Variants in UBR4 observed in about 807,000 individuals in gnomAD.
UBR4 encodes the protein E3 ubiquitin-protein ligase UBR4.
UBR4 carries 124 observed loss-of-function variants against 575.6 expected under a neutral mutation model. That is an observed-to-expected ratio of 0.22 (90% CI 0.19 to 0.25). UBR4 has a LOEUF of 0.25. Among genes scored for constraint, UBR4 ranks in the 10% least tolerant of loss-of-function variants. UBR4 has a pLI of 1.00. For synonymous variants in UBR4, 2,455 were observed against 2,473.7 expected, an observed-to-expected ratio of 0.99 and a Z score of 0.22; for missense variants, 4,818 against 6,478.8, an observed-to-expected ratio of 0.74 and a Z score of 8.80.
chr1:19,206,070 T>G (rs2092991666), intron 1 of UBR4, among the ~76,000 whole-genome samples: 1 of 152,262 alleles, frequency 6.6e-6, no homozygotes, highest in Admixed American at 6.5e-5. Flanking sequence ...ATGGACGGTA[T>G]GTGCTCCATT....
chr1:19,156,752 G>C lies in UBR4; in HGVS notation c.5919+15C>G. ...CCACAGCTCAAGGCAATCAAACCTA[G>C]ATCCGGATTTTTACCTTTAGCCCAC... is the stretch of plus-strand genomic sequence containing the variant. On this transcript the variant is annotated intron_variant, in intron 41 of 105. Transcript: ENST00000375254. The C allele has an allele frequency of 6.2e-7, 1 of 1,610,982 alleles. No homozygotes were observed. The highest frequency in any genetic ancestry group is 8.5e-7 in the Non-Finnish European group (1 of 1,177,616).
rs544259024 is a variant in UBR4, at chr1:19,146,856, T to C, written c.7774A>G (p.Thr2592Ala). 2 of 1,614,006 alleles carry C rather than the reference T, an allele frequency of 1.2e-6. No homozygotes were observed. The highest frequency in any genetic ancestry group is 3.3e-5 in the Admixed American group (2 of 59,992). The change falls in exon 52 of 106, where the codon ACG (threonine) becomes GCG (alanine). Residue 2592 changes from threonine (T) to alanine (A), a missense_variant. This residue lies in a region of UBR4 where 340 missense variants were observed against 375.4 expected (regional missense o/e 0.91). Coordinates refer to ENST00000375254, the MANE Select transcript of UBR4 (RefSeq NM_020765.3). ...IMRPNNLVHF[T>A]ESKLPQMETE... Reference sequence around the variant, plus strand: ...TCCATCTGGGGCAGCTTTGACTCCGTAAAGTGGACAAGGTTGTTGGGGCGC... The same window carrying C: ...TCCATCTGGGGCAGCTTTGACTCCGCAAAGTGGACAAGGTTGTTGGGGCGC...
At chr1:19,205,639 CT>C (rs35944518) in intron 1 of UBR4, among the ~76,000 whole-genome samples, 49,264 of 142,542 alleles carry the variant, frequency 0.35, 8,926 homozygotes, top group East Asian at 0.54. Flanking sequence ...TGGTGGCGGG[CT>C]TTTTTTTTTT....
intron 65 of UBR4, among the ~76,000 whole-genome samples, chr1:19,123,594 A>G (rs1279945817): frequency 6.6e-6 from 1 of 152,174 alleles, no homozygotes; most frequent in Non-Finnish European, 1.5e-5. Flanking sequence ...AGAGGAAAAT[A>G]CCAATATTCA....
At chr1:19,150,905 CAT>C (rs896675446) in intron 48 of UBR4, 112 bp from the exon 49 acceptor site, 8 of 1,005,550 alleles carry the variant, frequency 8.0e-6, no homozygotes, top group African/African-American at 3.2e-5. Context: ...ATTTTATAGA[CAT>C]AGAGAAACTT....
chr1:19,112,766 G>T lies in UBR4; in HGVS notation c.11559C>A (p.Ala3853=), dbSNP rs752352354. 4 of 1,614,112 alleles carry T rather than the reference G, an allele frequency of 2.5e-6. No individual in the cohort carries two copies. In the African/African-American group the frequency reaches 5.3e-5, roughly 22 times the overall value. The change falls in exon 78 of 106, where the codon GCC becomes GCA. Residue 3853 remains alanine, a synonymous_variant. Transcript: ENST00000375254. ...SRTSVQPTFT[A]SQYRALSVLG... ...GGACGGATAAGGCACGGTACTGGCT[G>T]GCAGTGAATGTGGGCTGCACGGAGG...
At chr1:19,183,790 A>G in intron 17 of UBR4, 21 bp downstream of exon 17, 2 of 1,612,448 alleles carry the variant, frequency 1.2e-6, no homozygotes, top group Middle Eastern at 1.7e-4. Flanking sequence ...TCTTGCCTAG[A>G]TGGTCACAGC....
intron 51 of UBR4, 60 bp downstream of exon 51, chr1:19,147,933 A>G (rs2085097156): frequency 2.5e-6 from 4 of 1,580,534 alleles, no homozygotes. Context: ...TACAATGAAA[A>G]GCTAACTTAT....
In UBR4 at chr1:19,093,514, T is replaced by C. The variant is rs1173730431; in HGVS notation, c.13938-28A>G. On this transcript the variant is annotated intron_variant, in intron 95 of 105. Coordinates refer to ENST00000375254, the MANE Select transcript of UBR4 (RefSeq NM_020765.3). This position sits in a 1 kb window ranked among gnomAD's most constrained non-coding sequence, Gnocchi z 4.8. ...AGGAGGAAAGAGCAGAGTTTGAGGG[T>C]GTGAAAGGCGGGACAAAACCCAGTC... 3 of 1,609,396 alleles carry C rather than the reference T, an allele frequency of 1.9e-6. No homozygotes were observed. Among genetic ancestry groups the C allele is most frequent in the Non-Finnish European group, 2.5e-6 (3 of 1,176,986 alleles).
chr1:19,131,547 G>T (rs2082457906), intron 60 of UBR4, among the ~76,000 whole-genome samples: 1 of 152,086 alleles, frequency 6.6e-6, no homozygotes, highest in Non-Finnish European at 1.5e-5. Flanking sequence ...CACCATTTTA[G>T]AAGCAGTGAT....
chr1:19,098,794 A>G (rs940734323), intron 90 of UBR4, among the ~76,000 whole-genome samples: 2 of 151,052 alleles, frequency 1.3e-5, no homozygotes, highest in African/African-American at 4.9e-5. Flanking sequence ...CAAACTCTAC[A>G]GAAGTATTTG....
chr1:19,189,064 T>C (rs1406870643), intron 11 of UBR4, among the ~76,000 whole-genome samples: 23 of 151,992 alleles, frequency 1.5e-4, no homozygotes, highest in Admixed American at 1.5e-3. Context: ...GAAATACAAA[T>C]GACCAATAAA....
Position 19,165,144 on chromosome 1 carries a change from C to T in UBR4, c.4312+105G>A. On this transcript the variant is annotated intron_variant, in intron 31 of 105. Transcript: ENST00000375254. ...AACTTTCTCTGAGGGATTCTCTCCA[C>T]TCGTTAGCATTTTCATGCTGTAGTT... 3 of 1,475,538 alleles carry T rather than the reference C, an allele frequency of 2.0e-6. No homozygotes were observed. In the South Asian group the frequency reaches 3.6e-5, roughly 18 times the overall value. The allele number at this position is 1,475,538 out of a possible 1,614,324, so 91.4% of individuals were successfully genotyped here.
At position 19,186,534 on chromosome 1, in the gene UBR4, C is replaced by A; in HGVS notation, c.1750+6G>T. The stretch of plus-strand genomic sequence containing the variant: ...TCTCTGGGAGAGAGAAAAGAGCGGC[C>A]TCTACCTTGGCTGCTGTCCTCCTCC... On this transcript the variant is annotated splice_donor_region_variant and intron_variant, in intron 14 of 105. Coordinates refer to ENST00000375254, the MANE Select transcript of UBR4 (RefSeq NM_020765.3). 6.2e-7 allele frequency: 1 copy of A among 1,613,358 alleles called. No homozygotes were observed. The highest frequency in any genetic ancestry group is 8.5e-7 in the Non-Finnish European group (1 of 1,179,506).
intron 92 of UBR4, 48 bp from the exon 93 acceptor site, chr1:19,095,700 G>C: frequency 6.4e-7 from 1 of 1,560,172 alleles, no homozygotes; most frequent in Non-Finnish European, 8.8e-7. Context: ...TGAGAGTGTA[G>C]GACATGGGGG....
In UBR4 at chr1:19,100,238, C is replaced by T. The variant is rs1002025634; in HGVS notation, c.13221+138G>A. ...GAGGTAGAAAGGTGGGAATCATTAACCCCAACTTACAGAGTGGAGAAACTG... is the reference window on the plus strand; with the variant it reads ...GAGGTAGAAAGGTGGGAATCATTAATCCCAACTTACAGAGTGGAGAAACTG... On this transcript the variant is annotated intron_variant, in intron 89 of 105. Transcript: ENST00000375254. This position sits in a 1 kb window ranked among gnomAD's most constrained non-coding sequence, Gnocchi z 4.2. 2.6e-5 allele frequency: 22 copies of T among 859,654 alleles called. No individual in the cohort carries two copies. The South Asian group carries it at 3.3e-4, about 13-fold the overall frequency. The allele number at this position is 859,654 out of a possible 1,614,324, so 53.3% of individuals were successfully genotyped here. A position where few individuals can be genotyped will look rare whatever the true frequency, so the allele number is the denominator to read the frequency against.
chr1:19,120,103 C>T lies in UBR4; in HGVS notation c.10310+77G>A, dbSNP rs950118739. On this transcript the variant is annotated intron_variant, in intron 69 of 105. Coordinates refer to ENST00000375254, the MANE Select transcript of UBR4 (RefSeq NM_020765.3). ...TACTGACTCTGTGACCATATGTAAC[C>T]GAAAACAAAATAGAACTGCATTACG... The T allele has an allele frequency of 3.6e-5, 56 of 1,538,652 alleles. No individual in the cohort carries two copies. The African/African-American group carries it at 5.2e-4, about 14-fold the overall frequency.
At chr1:19,198,953 A>G (rs771017156) in intron 3 of UBR4, 25 bp from the exon 4 acceptor site, 56 of 1,607,354 alleles carry the variant, frequency 3.5e-5, no homozygotes, top group Non-Finnish European at 4.5e-5. Context: ...AATGCAAACA[A>G]AAGAAAACAA....
rs928897836 is a variant in UBR4 at position 19,162,494 on chromosome 1, G to A, written c.4882C>T (p.Arg1628Trp). Residue 1628 changes from arginine to tryptophan, a missense_variant, in exon 35 of 106, where the codon CGG becomes TGG. Coordinates refer to ENST00000375254, the MANE Select transcript of UBR4 (RefSeq NM_020765.3). ...PSHLSVDGEE[R>W]AIEVDSDWVE... ...CAGTCTGAGTCTACTTCAATGGCCC[G>A]CTCTTCCCCATCCACTGAGAGATGA... is the stretch of plus-strand genomic sequence containing the variant. 3.7e-6 allele frequency: 6 copies of A among 1,613,872 alleles called. No individual in the cohort carries two copies. The highest frequency in any genetic ancestry group is 2.2e-5 in the East Asian group (1 of 44,898).
Sources: gnomAD v4.1 joint callset for allele counts (sites outside exome capture counted in the v4.1 genomes callset) on GRCh38, gnomAD v4.1.1 for gene constraint, gnomAD v4.1.1 regional missense constraint, Gnocchi (gnomAD v3.1) non-coding constraint, MANE v1.5 for transcripts, NCBI Gene and HGNC (gene_info 2026-07-23, HGNC 2026-07-21) for gene names.